The following ENKUR variants were observed in gnomAD, a reference collection of about 807,000 sequenced individuals.
ENKUR encodes the protein enkurin, TRPC channel interacting protein.
Under a neutral mutation model 27.6 loss-of-function variants are expected in ENKUR, and 19 were observed. The ratio of observed to expected loss-of-function variants is 0.69; its 90% CI spans 0.48 to 1.01. The LOEUF (loss-of-function observed/expected upper bound fraction) is 1.01. Among genes scored for constraint, ENKUR ranks in the 50% least tolerant of loss-of-function variants. The probability of loss-of-function intolerance (pLI) is 0.00; values close to 1 mark genes in which losing one functional copy is unlikely to be tolerated. For missense variants in ENKUR, 312 were observed against 310.5 expected (o/e 1.00, Z -0.04); for synonymous variants, 117 against 96.9 (o/e 1.21, Z -1.22).
At chr10:25,034,404 A>G (rs1216358209) in intron 2 of ENKUR, among the ~76,000 whole-genome samples, 1 of 152,176 alleles carries the variant, frequency 6.6e-6, no homozygotes, top group African/African-American at 2.4e-5. Flanking sequence ...TCTAACAAAA[A>G]AGATGTGAAA....
intron 2 of ENKUR, among the ~76,000 whole-genome samples, chr10:25,031,800 CT>C (rs34772445): frequency 0.34 from 43,657 of 129,958 alleles, 6,854 homozygotes; most frequent in East Asian, 0.5. Context: ...ATACAAAAGT[CT>C]TTTTTTTTTT....
At chr10:25,033,503 T>C (rs1850960302) in intron 2 of ENKUR, among the ~76,000 whole-genome samples, 1 of 151,946 alleles carries the variant, frequency 6.6e-6, no homozygotes, top group African/African-American at 2.4e-5. Context: ...TATTAGCCAA[T>C]TAATCCTACA....
At position 25,033,226 on chromosome 10, in the gene ENKUR, G is replaced by GT. The variant is rs1850956796; in HGVS notation, c.37+27885_37+27886insA. On this transcript the variant is annotated intron_variant, in intron 2 of 5. Transcript: ENST00000615958. ...GTTCAAGACCAGCCTGGTTAACATA[G>GT]GGAGACCTCTCTACAAAAATTTAAA... Among the ~76,000 whole-genome samples, 3 of 151,826 alleles carry GT rather than the reference G, an allele frequency of 2.0e-5. No homozygotes were observed. In the South Asian group the frequency reaches 6.3e-4, roughly 32 times the overall value.
At chr10:25,048,424 T>C (rs762330774) in intron 2 of ENKUR, among the ~76,000 whole-genome samples, 1 of 151,990 alleles carries the variant, frequency 6.6e-6, no homozygotes, top group Non-Finnish European at 1.5e-5. Context: ...AAGGGGCAGG[T>C]AAGTCTCATT....
intron 2 of ENKUR, chr10:25,061,035 C>A: frequency 7.2e-7 from 1 of 1,389,644 alleles, no homozygotes; most frequent in Non-Finnish European, 9.9e-7. Flanking sequence ...TTAGATGAGA[C>A]AAGGATATCT....
chr10:25,021,553 T>C lies in ENKUR; in HGVS notation c.38-25684A>G, dbSNP rs186995375. Among the ~76,000 whole-genome samples, 319 of 152,316 alleles carry C rather than the reference T, an allele frequency of 2.1e-3. 2 individuals carry two copies. The highest frequency in any genetic ancestry group is 3.4e-3 in the Middle Eastern group (1 of 294). On this transcript the variant is annotated intron_variant, in intron 2 of 5. Coordinates refer to the ENKUR transcript ENST00000615958. ...CTGTTTAGTGAAATTCTTTTTATAA[T>C]GAGACACACATGTTTAAAAACAGTA...
chr10:25,001,281 T>C (rs1263211821), intron 1 of ENKUR, among the ~76,000 whole-genome samples: 1 of 151,840 alleles, frequency 6.6e-6, no homozygotes, highest in African/African-American at 2.4e-5. Flanking sequence ...TTCTTCTATA[T>C]AATTTTTCTT....
At chr10:24,993,126 T>C (rs1360228132) in intron 3 of ENKUR, among the ~76,000 whole-genome samples, 2 of 152,028 alleles carry the variant, frequency 1.3e-5, no homozygotes, top group African/African-American at 4.8e-5. Flanking sequence ...AGACTCCATC[T>C]CTAAAAAAAA....
intron 2 of ENKUR, among the ~76,000 whole-genome samples, chr10:25,056,298 C>T (rs545373610): frequency 5.4e-4 from 83 of 152,348 alleles, no homozygotes; most frequent in African/African-American, 1.9e-3. Context: ...ATACCTGCCT[C>T]ATACCCCAGA....
At chr10:25,007,095 CA>C (rs1287205749) in intron 1 of ENKUR, among the ~76,000 whole-genome samples, 2 of 152,170 alleles carry the variant, frequency 1.3e-5, no homozygotes, top group African/African-American at 4.8e-5. Flanking sequence ...TCCTGGCAGA[CA>C]CAGTCTTATT....
chr10:25,028,135 G>A (rs1405746106), intron 2 of ENKUR, among the ~76,000 whole-genome samples: 3 of 152,206 alleles, frequency 2.0e-5, no homozygotes, highest in Admixed American at 1.3e-4. Context: ...AAACATTCTA[G>A]CAGAGGCAGG....
chr10:25,017,025 C>A (rs1461609178), upstream of ENKUR, among the ~76,000 whole-genome samples: 1 of 152,178 alleles, frequency 6.6e-6, no homozygotes, highest in African/African-American at 2.4e-5. Flanking sequence ...CTCGCCCTCC[C>A]GCCCCTGCTC....
intron 3 of ENKUR, among the ~76,000 whole-genome samples, chr10:24,993,850 G>A (rs1849980344): frequency 6.6e-6 from 1 of 152,174 alleles, no homozygotes; most frequent in African/African-American, 2.4e-5. Flanking sequence ...AGAAGGGAGG[G>A]GCAGAGTGTG....
chr10:25,005,403 G>T (rs906069709), intron 1 of ENKUR, among the ~76,000 whole-genome samples: 1 of 151,898 alleles, frequency 6.6e-6, no homozygotes, highest in African/African-American at 2.4e-5. Context: ...TATTTCAAAG[G>T]GCACACAAGG....
At chr10:25,013,383 T>TA (rs1451299559) in intron 1 of ENKUR, among the ~76,000 whole-genome samples, 4 of 152,120 alleles carry the variant, frequency 2.6e-5, no homozygotes, top group African/African-American at 9.7e-5. Flanking sequence ...TGAGTTGAGA[T>TA]AAAAAAGAAT....
At chr10:25,052,639 C>T (rs907512550) in intron 2 of ENKUR, among the ~76,000 whole-genome samples, 2 of 151,974 alleles carry the variant, frequency 1.3e-5, no homozygotes, top group Non-Finnish European at 2.9e-5. Context: ...GGGTGTGGTT[C>T]TGAGAACCTG....
At chr10:24,988,718 A>ATATATATATATG (rs1564334755) in intron 4 of ENKUR, among the ~76,000 whole-genome samples, 7 of 47,710 alleles carry the variant, frequency 1.5e-4, no homozygotes, top group African/African-American at 7.1e-4. Context: ...ATATATATAT[A>ATATATATATATG]TATATATATT....
intron 2 of ENKUR, among the ~76,000 whole-genome samples, chr10:25,029,728 AAAAC>A (rs1292436463): frequency 6.6e-6 from 1 of 152,158 alleles, no homozygotes; most frequent in Non-Finnish European, 1.5e-5. Context: ...TTTTGCTTTC[AAAAC>A]AAACAGTCTC....
rs750478897 is a variant in ENKUR at position 24,984,877 on chromosome 10, T to G, written c.623A>C (p.His208Pro). 6.2e-7 allele frequency: 1 copy of G among 1,613,426 alleles called. No homozygotes were observed. ...GACCGAGAGGGACTGGAATTCTTTA[T>G]GCACCTCTTCCCAGTTCTTTTTCAG... ...QGLKKNWEEV[H>P]KEFQSLSVFI... The change falls in exon 5 of 6, where the codon CAT (histidine) becomes CCT (proline). Residue 208 changes from histidine (H) to proline (P), a missense_variant. Coordinates refer to ENST00000331161, the MANE Select transcript of ENKUR (RefSeq NM_145010.4).
Sources: allele counts gnomAD v4.1 joint callset (sites outside exome capture counted in the v4.1 genomes callset), GRCh38; gene constraint gnomAD v4.1.1; transcripts MANE v1.5; gene names NCBI Gene and HGNC (gene_info 2026-07-23, HGNC 2026-07-21).